UBASH3A: variants seen among roughly 807,000 people sequenced by gnomAD.
UBASH3A encodes ubiquitin associated and SH3 domain containing A.
UBASH3A carries 63 observed loss-of-function variants against 73.5 expected under a neutral mutation model. The observed-to-expected ratio is 0.86, with a 90% CI of 0.70 to 1.06. UBASH3A has a LOEUF of 1.06. Ranked by LOEUF, UBASH3A falls within the 50% of genes least tolerant of loss-of-function variation. The pLI is 0.00. For missense variants in UBASH3A, 860 were observed against 859.0 expected (o/e 1.00, Z -0.02); for synonymous variants, 363 against 351.1 (o/e 1.03, Z -0.38).
chr21:42,414,423 C>G (rs141472439), intron 5 of UBASH3A, among the ~76,000 whole-genome samples: 145 of 152,340 alleles, frequency 9.5e-4, no homozygotes, highest in African/African-American at 3.2e-3. Flanking sequence ...TCATTGGCAG[C>G]ATCTTAAAAA....
chr21:42,446,523 G>C (rs1362262697), intron 14 of UBASH3A, among the ~76,000 whole-genome samples: 2 of 152,180 alleles, frequency 1.3e-5, no homozygotes, highest in Admixed American at 6.5e-5. Flanking sequence ...AGGAAAGAAA[G>C]AAAAGAAAAG....
chr21:42,419,795 G>C (rs920230085), intron 7 of UBASH3A, among the ~76,000 whole-genome samples: 9 of 152,176 alleles, frequency 5.9e-5, no homozygotes, highest in African/African-American at 2.2e-4. Context: ...CAATCATTCT[G>C]TGCTACATTT....
chr21:42,446,601 G>A (rs2053848146), intron 14 of UBASH3A, among the ~76,000 whole-genome samples: 1 of 152,240 alleles, frequency 6.6e-6, no homozygotes, highest in Non-Finnish European at 1.5e-5. Flanking sequence ...TGAAGGGATG[G>A]AGGTCTAAAG....
At chr21:42,432,306 A>G in intron 9 of UBASH3A, 104 bp downstream of exon 9, 1 of 719,248 alleles carries the variant, frequency 1.4e-6, no homozygotes, top group South Asian at 1.7e-5. Context: ...CTGAGGCACC[A>G]TTCTGTAGAA....
intron 14 of UBASH3A, among the ~76,000 whole-genome samples, chr21:42,445,849 C>G (rs570728523): frequency 2.8e-4 from 43 of 152,198 alleles, no homozygotes; most frequent in African/African-American, 1.0e-3. Flanking sequence ...GGCAGCTCAA[C>G]CCCCCTGGGC....
intron 10 of UBASH3A, among the ~76,000 whole-genome samples, chr21:42,435,741 T>A (rs1198292386): frequency 6.6e-6 from 1 of 151,886 alleles, no homozygotes; most frequent in African/African-American, 2.4e-5. Context: ...AGTTATAGAG[T>A]CATAGATTTA....
chr21:42,438,489 A>T lies in UBASH3A; in HGVS notation c.1486+909A>T, dbSNP rs149889849. Among the ~76,000 whole-genome samples the T allele has an allele frequency of 2.9e-3, 437 of 152,224 alleles. 2 individuals carry two copies. The highest frequency in any genetic ancestry group is 8.9e-3 in the African/African-American group (369 of 41,516). On this transcript the variant is annotated intron_variant, in intron 11 of 14. Coordinates refer to ENST00000319294, the MANE Select transcript of UBASH3A (RefSeq NM_018961.4). ...AGCCCACCCACAGTTCATGAGCATG[A>T]GTTTAAATGGAGATGCATCAGCCGG...
chr21:42,416,412 G>A, intron 5 of UBASH3A, 30 bp from the exon 6 acceptor site: 2 of 1,529,984 alleles, frequency 1.3e-6, no homozygotes, highest in Non-Finnish European at 1.8e-6. Flanking sequence ...ACGGTGTCCT[G>A]GCACCCTCTG....
intron 8 of UBASH3A, among the ~76,000 whole-genome samples, chr21:42,431,674 G>T (rs556749903): frequency 6.6e-6 from 1 of 152,120 alleles, no homozygotes; most frequent in African/African-American, 2.4e-5. Context: ...AGTCCTGGAG[G>T]GTTTCTCAGA....
chr21:42,410,341 C>G (rs2146498059), intron 3 of UBASH3A: 1 of 590,558 alleles, frequency 1.7e-6, no homozygotes, highest in Admixed American at 3.0e-5. Context: ...GCGGCCTGGC[C>G]CCAACTCTGC....
In UBASH3A at chr21:42,443,404, C is replaced by A; in HGVS notation, c.1724C>A (p.Thr575Asn). 6.2e-7 allele frequency: 1 copy of A among 1,610,780 alleles called. No homozygotes were observed. Among genetic ancestry groups the A allele is most frequent in the African/African-American group, 1.3e-5 (1 of 74,914 alleles). ...GCGAGCATGGTGCAAATCGTCAACA[C>A]CTGTCCACAGGACAGTAAGTGCCTC... is the stretch of plus-strand genomic sequence containing the variant. The part of the protein sequence containing the change: ...CTASMVQIVN[T>N]CPQDTGVILI... Residue 575 changes from threonine (T) to asparagine (N), a missense_variant, in exon 13 of 15, where the codon ACC becomes AAC. Thr to Asn is a moderately conservative substitution (Grantham distance 65, BLOSUM62 0). Coordinates refer to ENST00000319294, the MANE Select transcript of UBASH3A (RefSeq NM_018961.4).
Position 42,418,610 on chromosome 21 carries a change from G to A in UBASH3A, c.1046+1G>A, listed in dbSNP as rs1193797531. 1 of 1,613,440 alleles carries A rather than the reference G, an allele frequency of 6.2e-7. No homozygotes were observed. The highest frequency in any genetic ancestry group is 1.1e-5 in the South Asian group (1 of 91,006). ...AGTCTGACACGTGGGTGAAGCACAG[G>A]TGAGTGCTGCCTCTGGCTGCAGCCC... is the stretch of plus-strand genomic sequence containing the variant. On this transcript the variant is annotated splice_donor_variant, in intron 7 of 14. Transcript: ENST00000319294. LOFTEE classifies it high-confidence loss of function.
chr21:42,431,708 G>A (rs1480010901), intron 8 of UBASH3A, among the ~76,000 whole-genome samples: 1 of 152,180 alleles, frequency 6.6e-6, no homozygotes, highest in Non-Finnish European at 1.5e-5. Context: ...CAAGAGAGGA[G>A]ACTAGATATA....
chr21:42,427,880 CCT>C (rs1382362389), intron 8 of UBASH3A, among the ~76,000 whole-genome samples: 2 of 152,164 alleles, frequency 1.3e-5, no homozygotes, highest in African/African-American at 4.8e-5. Context: ...CAACGCTCAC[CCT>C]CTGTTACGGA....
intron 8 of UBASH3A, among the ~76,000 whole-genome samples, chr21:42,431,576 A>G (rs1415867468): frequency 6.6e-6 from 1 of 152,234 alleles, no homozygotes; most frequent in African/African-American, 2.4e-5. Flanking sequence ...AAGGGGATGG[A>G]TGAGGGCTTC....
chr21:42,447,366 A>G lies in UBASH3A; in HGVS notation c.*172A>G. ...TTTCCCTCCGGCTTTCGCCTTTGTAACTCCCATCTGTGGACCCATCGTCCA... is the reference window on the plus strand; with the variant it reads ...TTTCCCTCCGGCTTTCGCCTTTGTAGCTCCCATCTGTGGACCCATCGTCCA... On this transcript the variant is annotated 3_prime_UTR_variant, in exon 15 of 15. Transcript: ENST00000319294. 1.4e-6 allele frequency: 1 copy of G among 706,836 alleles called. No individual in the cohort carries two copies. The highest frequency in any genetic ancestry group is 2.2e-6 in the Non-Finnish European group (1 of 450,102). The allele number at this position is 706,836 out of a possible 1,614,324, so 43.8% of individuals were successfully genotyped here.
rs139951451 is a variant in UBASH3A, at chr21:42,426,462, G to A, written c.1047-235G>A. 4.1e-3 allele frequency among the ~76,000 whole-genome samples: 623 copies of A among 152,304 alleles called. 6 individuals are homozygous for A. The highest frequency in any genetic ancestry group is 7.3e-3 in the South Asian group (35 of 4,822). ...TACCTGGGTACTGTGGCCTAGCCAC[G>A]TTGACATGTAAAATTACCCATCATA... On this transcript the variant is annotated intron_variant, in intron 7 of 14. Transcript: ENST00000319294.
chr21:42,432,037 A>T, intron 8 of UBASH3A, 66 bp from the exon 9 acceptor site: 1 of 962,904 alleles, frequency 1.0e-6, no homozygotes, highest in Non-Finnish European at 1.6e-6. Context: ...GAGAGCTGCC[A>T]TTGGTGCAAG....
At chr21:42,445,009 CA>C (rs2053822330) in intron 14 of UBASH3A, among the ~76,000 whole-genome samples, 1 of 152,194 alleles carries the variant, frequency 6.6e-6, no homozygotes, top group Admixed American at 6.5e-5. Context: ...GGACCTGGGG[CA>C]GGGCGGCTGA....
Sources: allele counts gnomAD v4.1 joint callset (sites outside exome capture counted in the v4.1 genomes callset), GRCh38; gene constraint gnomAD v4.1.1; transcripts MANE v1.5; gene names NCBI Gene and HGNC (gene_info 2026-07-23, HGNC 2026-07-21).